Variants in ITGBL1 observed in about 807,000 individuals in gnomAD.
ITGBL1 encodes integrin beta-like protein 1.
ITGBL1 carries 51 observed loss-of-function variants against 68.5 expected under a neutral mutation model. That is an observed-to-expected ratio of 0.74 (90% CI 0.59 to 0.94). The LOEUF (loss-of-function observed/expected upper bound fraction) is 0.94, where lower values mean the gene tolerates loss of function less well. Ranked by LOEUF, ITGBL1 falls within the 40% of genes least tolerant of loss-of-function variation. The probability of loss-of-function intolerance (pLI) is 0.00; values close to 1 mark genes in which losing one functional copy is unlikely to be tolerated. For missense variants in ITGBL1, 649 were observed against 647.4 expected (o/e 1.00, Z -0.03); for synonymous variants, 209 against 227.3 (o/e 0.92, Z 0.72).
At chr13:101,526,155 C>T (rs1221719660) in intron 2 of ITGBL1, among the ~76,000 whole-genome samples, 3,866 of 136,524 alleles carry the variant, frequency 0.028, 205 homozygotes, top group African/African-American at 0.097. Context: ...TCTTCTTCTT[C>T]TTTTTTTTTT....
chr13:101,476,960 G>C (rs1297544504), intron 2 of ITGBL1, among the ~76,000 whole-genome samples: 1 of 152,100 alleles, frequency 6.6e-6, no homozygotes, highest in Non-Finnish European at 1.5e-5. Flanking sequence ...AATCAACAAA[G>C]AAACATCAGA....
intron 7 of ITGBL1, among the ~76,000 whole-genome samples, chr13:101,685,635 T>A (rs1355157269): frequency 6.6e-6 from 1 of 152,134 alleles, no homozygotes; most frequent in Non-Finnish European, 1.5e-5. Context: ...ATATACCTGT[T>A]GGCATTAGTA....
chr13:101,657,660 A>G (rs910718906), intron 7 of ITGBL1, among the ~76,000 whole-genome samples: 11 of 152,222 alleles, frequency 7.2e-5, no homozygotes, highest in African/African-American at 2.7e-4. Context: ...ACTGGACTTC[A>G]TATTGCAGGG....
chr13:101,629,407 C>T (rs1472133518), intron 7 of ITGBL1, among the ~76,000 whole-genome samples: 6 of 152,172 alleles, frequency 3.9e-5, no homozygotes, highest in African/African-American at 7.2e-5. Context: ...ATAAAATACA[C>T]TGCATACAGT....
At chr13:101,492,564 G>A (rs1308118046) in intron 2 of ITGBL1, among the ~76,000 whole-genome samples, 1 of 152,158 alleles carries the variant, frequency 6.6e-6, no homozygotes, top group Admixed American at 6.5e-5. Flanking sequence ...GCCCTAAGAG[G>A]GTGGTCTGGA....
At chr13:101,506,981 C>G (rs1254028342) in intron 2 of ITGBL1, among the ~76,000 whole-genome samples, 1 of 151,948 alleles carries the variant, frequency 6.6e-6, no homozygotes. Flanking sequence ...TGGGGAAGAT[C>G]TGGGAGAAGG....
At chr13:101,554,770 T>G (rs912258681) in intron 2 of ITGBL1, among the ~76,000 whole-genome samples, 2 of 152,224 alleles carry the variant, frequency 1.3e-5, no homozygotes, top group African/African-American at 4.8e-5. Context: ...CAGGGCCCTT[T>G]TGTGGAGTGC....
At chr13:101,464,292 A>T (rs574632476) in intron 2 of ITGBL1, among the ~76,000 whole-genome samples, 1 of 151,508 alleles carries the variant, frequency 6.6e-6, no homozygotes, top group Admixed American at 6.6e-5. Flanking sequence ...CTGTTTTTTT[A>T]TTTCACTTTC....
At chr13:101,629,377 T>A (rs1329676807) in intron 7 of ITGBL1, among the ~76,000 whole-genome samples, 6 of 152,168 alleles carry the variant, frequency 3.9e-5, no homozygotes, top group Non-Finnish European at 8.8e-5. Context: ...TTTAATTTTG[T>A]GTCTTCTTTC....
intron 3 of ITGBL1, among the ~76,000 whole-genome samples, chr13:101,569,127 CGCGCGCGCAT>C (rs2050232236): frequency 1.3e-5 from 2 of 152,048 alleles, no homozygotes; most frequent in East Asian, 3.9e-4. Flanking sequence ...CACACGCGCA[CGCGCGCGCAT>C]GCCCCATAGC....
intron 2 of ITGBL1, among the ~76,000 whole-genome samples, chr13:101,521,487 C>CTT (rs2049282910): frequency 1.3e-5 from 2 of 152,100 alleles, no homozygotes; most frequent in African/African-American, 4.8e-5. Context: ...AAGGACCTCA[C>CTT]TTTTGTATCC....
chr13:101,653,864 TTTTTTG>T (rs1247796252), intron 7 of ITGBL1, among the ~76,000 whole-genome samples: 4,534 of 56,626 alleles, frequency 0.08, 195 homozygotes, highest in Non-Finnish European at 0.13. Context: ...ACTTTTTTTG[TTTTTTG>T]TTTTTTTTTT....
chr13:101,670,296 AT>A (rs2033325605), intron 7 of ITGBL1, among the ~76,000 whole-genome samples: 1 of 152,176 alleles, frequency 6.6e-6, no homozygotes, highest in South Asian at 2.1e-4. Context: ...GTATCTTTTC[AT>A]TGGGTTCAAC....
At position 101,524,932 on chromosome 13, in the gene ITGBL1, A is replaced by G. The variant is rs140464351; in HGVS notation, c.317-42767A>G. 2.8e-3 allele frequency among the ~76,000 whole-genome samples: 426 copies of G among 152,308 alleles called. 1 individual carries two copies. The highest frequency in any genetic ancestry group is 4.7e-3 in the Non-Finnish European group (318 of 68,026). On this transcript the variant is annotated intron_variant, in intron 2 of 10. Coordinates refer to ENST00000376180, the MANE Select transcript of ITGBL1 (RefSeq NM_004791.3). ...CTCAACACTGCTTTTGGAGGGCTGC[A>G]CACAACCTTGGCACATGGTTGGCAC...
chr13:101,704,050 CAG>C (rs1164329162), intron 8 of ITGBL1, among the ~76,000 whole-genome samples: 1 of 151,844 alleles, frequency 6.6e-6, no homozygotes, highest in Non-Finnish European at 1.5e-5. Context: ...TGTGTTGACT[CAG>C]AGCCTTTGTG....
chr13:101,505,553 T>A (rs1437253628), intron 2 of ITGBL1, among the ~76,000 whole-genome samples: 1 of 152,172 alleles, frequency 6.6e-6, no homozygotes, highest in Non-Finnish European at 1.5e-5. Context: ...TGTATTGAAA[T>A]GGATAAAACA....
At chr13:101,570,161 T>G (rs1319363249) in intron 3 of ITGBL1, among the ~76,000 whole-genome samples, 1 of 152,162 alleles carries the variant, frequency 6.6e-6, no homozygotes. Flanking sequence ...AGTGACTTAT[T>G]ATCAGTCTAG....
In ITGBL1 at chr13:101,715,609, G is replaced by A; in HGVS notation, c.1440G>A (p.Trp480Ter). 6.2e-7 allele frequency: 1 copy of A among 1,613,470 alleles called. No homozygotes were observed. The highest frequency in any genetic ancestry group is 8.5e-7 in the Non-Finnish European group (1 of 1,179,466). The change falls in exon 11 of 11, where the codon TGG (tryptophan) becomes TGA (stop). Residue 480 changes from tryptophan (W) to a stop codon, truncating the protein, a stop_gained. Coordinates refer to ENST00000376180, the MANE Select transcript of ITGBL1 (RefSeq NM_004791.3). LOFTEE classifies it high-confidence loss of function. Reference sequence around the variant, plus strand: ...GAAACTGTGAATGCTGGGATGGATGGAATGGAAATGCATGTGAAATCTGGC... The same window carrying A: ...GAAACTGTGAATGCTGGGATGGATGAAATGGAAATGCATGTGAAATCTGGC... ...SCGNCECWDGWNGNACEIWLG... is the reference protein window; with the variant it reads ...SCGNCECWDG
At chr13:101,605,056 ATG>A (rs1418206989) in intron 7 of ITGBL1, among the ~76,000 whole-genome samples, 7 of 143,870 alleles carry the variant, frequency 4.9e-5, no homozygotes, top group African/African-American at 1.5e-4. Flanking sequence ...ATATGTGTAT[ATG>A]TGTATATGTG....
Sources: allele counts gnomAD v4.1 joint callset (sites outside exome capture counted in the v4.1 genomes callset), GRCh38; gene constraint gnomAD v4.1.1; transcripts MANE v1.5; gene names NCBI Gene and HGNC (gene_info 2026-07-23, HGNC 2026-07-21).